The following SCHIP1 variants were observed in gnomAD, a reference collection of about 807,000 sequenced individuals.
SCHIP1 encodes the protein schwannomin-interacting protein 1.
In SCHIP1, 8 loss-of-function variants were observed where a neutral mutation model predicts 29.7. The observed-to-expected ratio is 0.27, with a 90% CI of 0.16 to 0.49. The LOEUF is 0.49. SCHIP1 is among the 20% of genes least tolerant of loss of function. The pLI is 0.99. For missense variants in SCHIP1, 193 were observed against 294.6 expected (o/e 0.66, Z 2.52); for synonymous variants, 76 against 94.9 (o/e 0.80, Z 1.16).
the SCHIP1 span, among the ~76,000 whole-genome samples, chr3:159,665,650 G>A: frequency 1.2e-4 from 18 of 151,932 alleles, no homozygotes; most frequent in African/African-American, 4.4e-4. Context: ...GGGGAGCCCA[G>A]TAGGCACAGG....
chr3:159,690,962 T>G, the SCHIP1 span, among the ~76,000 whole-genome samples: 2 of 151,828 alleles, frequency 1.3e-5, no homozygotes, highest in African/African-American at 4.8e-5. Context: ...TCTGAGAGAC[T>G]GTTATGATTT....
the SCHIP1 span, among the ~76,000 whole-genome samples, chr3:159,426,446 C>A: frequency 0.17 from 25,515 of 152,000 alleles, 2,464 homozygotes; most frequent in South Asian, 0.37. Context: ...GAAATGGATA[C>A]ATTCCTCAAC....
the SCHIP1 span, among the ~76,000 whole-genome samples, chr3:159,781,967 A>G: frequency 3.9e-5 from 6 of 152,240 alleles, no homozygotes; most frequent in Non-Finnish European, 2.9e-5. Context: ...TATTGAATTT[A>G]TATGTAGAAT....
At chr3:159,434,878 T>C in the SCHIP1 span, among the ~76,000 whole-genome samples, 2 of 152,140 alleles carry the variant, frequency 1.3e-5, no homozygotes, top group Non-Finnish European at 2.9e-5. Flanking sequence ...GAAGGCATTG[T>C]GTGATTCTCT....
At chr3:159,640,999 C>A in the SCHIP1 span, among the ~76,000 whole-genome samples, 1 of 152,130 alleles carries the variant, frequency 6.6e-6, no homozygotes. Flanking sequence ...CGTTGGAATT[C>A]TGGTCATTTC....
chr3:159,886,505 G>A, intron 3 of SCHIP1, 181 bp downstream of exon 4: 1 of 560,762 alleles, frequency 1.8e-6, no homozygotes, highest in Non-Finnish European at 3.1e-6. Flanking sequence ...ATAAAATAGA[G>A]ATATATAAGC....
the SCHIP1 span, among the ~76,000 whole-genome samples, chr3:159,713,242 A>AAGAG: frequency 2.2e-5 from 2 of 88,968 alleles, no homozygotes; most frequent in Non-Finnish European, 4.9e-5. Context: ...GGAAGAAAGA[A>AAGAG]AGAAAGAAAG....
At chr3:159,781,692 G>T in the SCHIP1 span, among the ~76,000 whole-genome samples, 1 of 152,212 alleles carries the variant, frequency 6.6e-6, no homozygotes, top group African/African-American at 2.4e-5. Flanking sequence ...GGAGCTTGTG[G>T]TCACACAGGG....
the SCHIP1 span, among the ~76,000 whole-genome samples, chr3:159,367,184 A>G: frequency 0.47 from 71,285 of 151,980 alleles, 19,096 homozygotes; most frequent in African/African-American, 0.75. Flanking sequence ...CTTGAGGTCA[A>G]GAGTTCGAGA....
chr3:159,784,932 C>T, the SCHIP1 span, among the ~76,000 whole-genome samples: 1 of 152,172 alleles, frequency 6.6e-6, no homozygotes, highest in Non-Finnish European at 1.5e-5. Context: ...GGATTATAGG[C>T]GTGAGCCACT....
chr3:159,499,946 A>G, the SCHIP1 span, among the ~76,000 whole-genome samples: 1 of 151,968 alleles, frequency 6.6e-6, no homozygotes, highest in Non-Finnish European at 1.5e-5. Flanking sequence ...GGTCAGTCAC[A>G]TGCTTATCAG....
At chr3:159,795,769 C>T in the SCHIP1 span, among the ~76,000 whole-genome samples, 1 of 152,044 alleles carries the variant, frequency 6.6e-6, no homozygotes, top group Non-Finnish European at 1.5e-5. Context: ...GAGGGAACAA[C>T]GTGTGTAAAA....
chr3:159,884,349 C>CTGTGTCTG (rs1553799549), intron 2 of SCHIP1, among the ~76,000 whole-genome samples: 13 of 140,550 alleles, frequency 9.2e-5, no homozygotes, highest in Admixed American at 4.3e-4. Flanking sequence ...GTGTCTGTGT[C>CTGTGTCTG]TGTGTGTGTG....
the SCHIP1 span, among the ~76,000 whole-genome samples, chr3:159,333,218 A>C: frequency 2.6e-4 from 40 of 152,238 alleles, no homozygotes; most frequent in African/African-American, 8.7e-4. Context: ...TTATAAATTC[A>C]AAGTTGCAAA....
chr3:159,637,013 A>C, the SCHIP1 span, among the ~76,000 whole-genome samples: 72 of 152,282 alleles, frequency 4.7e-4, no homozygotes, highest in African/African-American at 1.7e-3. Context: ...TAACTTATTG[A>C]TATTACACTA....
the SCHIP1 span, among the ~76,000 whole-genome samples, chr3:159,558,245 T>C: frequency 6.6e-6 from 1 of 152,204 alleles, no homozygotes; most frequent in Non-Finnish European, 1.5e-5. Context: ...ACGGGAAGTA[T>C]GCATCAGGAA....
chr3:159,858,816 C>CA (rs1464088914), intron 1 of SCHIP1, among the ~76,000 whole-genome samples: 1 of 152,154 alleles, frequency 6.6e-6, no homozygotes, highest in Non-Finnish European at 1.5e-5. Flanking sequence ...GAGCAATTTA[C>CA]ACCCAAAGGC....
chr3:159,705,527 T>TA, the SCHIP1 span, among the ~76,000 whole-genome samples: 1 of 151,662 alleles, frequency 6.6e-6, no homozygotes, highest in Non-Finnish European at 1.5e-5. Context: ...AAGTGACAGA[T>TA]ATAGAGAGAG....
At chr3:159,734,787 CTTTTTTTT>C in the SCHIP1 span, among the ~76,000 whole-genome samples, 11 of 110,488 alleles carry the variant, frequency 1.0e-4, no homozygotes, top group East Asian at 2.5e-4. Flanking sequence ...CTTTTCTTGT[CTTTTTTTT>C]TTTTTTTTTT....
Sources: gnomAD v4.1 joint callset for allele counts (sites outside exome capture counted in the v4.1 genomes callset) on GRCh38, gnomAD v4.1.1 for gene constraint, MANE v1.5 for transcripts, NCBI Gene and HGNC (gene_info 2026-07-23, HGNC 2026-07-21) for gene names.